QSER1: variants seen among roughly 807,000 people sequenced by gnomAD.
QSER1 encodes glutamine and serine-rich protein 1.
A neutral mutation model predicts 158.5 loss-of-function variants in QSER1; 49 were observed. The observed-to-expected ratio is 0.31, with a 90% CI of 0.25 to 0.39. The LOEUF (loss-of-function observed/expected upper bound fraction) is 0.39. QSER1 is among the 10% of genes least tolerant of loss of function. The pLI is 1.00. For synonymous variants in QSER1, 650 were observed against 715.5 expected, an observed-to-expected ratio of 0.91 and a Z score of 1.46; for missense variants, 1,754 against 2,010.3, an observed-to-expected ratio of 0.87 and a Z score of 2.44.
At chr11:32,975,654 T>C in intron 12 of QSER1, 1 of 1,186,934 alleles carries the variant, frequency 8.4e-7, no homozygotes, top group Non-Finnish European at 1.1e-6. Context: ...CAGTGTATGA[T>C]GATCTTGCTT....
intron 4 of QSER1, among the ~76,000 whole-genome samples, chr11:32,938,860 G>A (rs747859477): frequency 1.3e-5 from 2 of 152,022 alleles, no homozygotes; most frequent in Non-Finnish European, 2.9e-5. Context: ...ACTGTATCTT[G>A]TATCAACATA....
intron 1 of QSER1, among the ~76,000 whole-genome samples, chr11:32,896,632 G>A (rs1403697441): frequency 6.6e-5 from 10 of 152,076 alleles, no homozygotes; most frequent in African/African-American, 1.7e-4. Flanking sequence ...CAGGTGATCC[G>A]CCCATTTTGG....
At chr11:32,906,065 A>G (rs1250932130) in intron 1 of QSER1, among the ~76,000 whole-genome samples, 1 of 151,378 alleles carries the variant, frequency 6.6e-6, no homozygotes. Flanking sequence ...TAGCCACCTT[A>G]AAGTTGATTT....
intron 5 of QSER1, among the ~76,000 whole-genome samples, chr11:32,954,460 C>G (rs1415595789): frequency 1.3e-5 from 2 of 151,896 alleles, no homozygotes; most frequent in Non-Finnish European, 2.9e-5. Flanking sequence ...TCAAGGTTCC[C>G]AATTCATTAT....
chr11:32,966,997 G>A (rs1852760961), intron 9 of QSER1, among the ~76,000 whole-genome samples: 1 of 152,096 alleles, frequency 6.6e-6, no homozygotes, highest in African/African-American at 2.4e-5. Context: ...AGCAGTCCCA[G>A]TACTGAGTAT....
intron 5 of QSER1, among the ~76,000 whole-genome samples, chr11:32,954,592 G>A (rs999871405): frequency 6.6e-6 from 1 of 152,210 alleles, no homozygotes; most frequent in Non-Finnish European, 1.5e-5. Context: ...TAACCATGAA[G>A]AGAATGTAAT....
intron 4 of QSER1, among the ~76,000 whole-genome samples, chr11:32,941,060 A>G (rs933074267): frequency 6.6e-6 from 1 of 151,614 alleles, no homozygotes. Context: ...TCTTCTTTGC[A>G]CCACACTTTG....
At chr11:32,899,282 C>T (rs1173602816) in intron 1 of QSER1, among the ~76,000 whole-genome samples, 1 of 152,096 alleles carries the variant, frequency 6.6e-6, no homozygotes, top group Admixed American at 6.6e-5. Context: ...ATTGGAAGCC[C>T]CTTTCTTCCT....
rs751219107 is a variant in QSER1, at chr11:32,954,043, A to G, written c.4364A>G (p.Asp1455Gly). 5.7e-5 allele frequency: 92 copies of G among 1,614,052 alleles called. No homozygotes were observed. In the South Asian group the frequency reaches 9.3e-4, roughly 16 times the overall value. The change falls in exon 5 of 13, where the codon GAC becomes GGC. Residue 1455 changes from aspartate (D) to glycine (G), a missense_variant. Coordinates refer to ENST00000650167, the MANE Select transcript of QSER1 (RefSeq NM_001076786.3). ...ATTGAACTTGATGGTCTTCCTTCAG[A>G]CCAGTTTGCAAAAGGACAGGACACT... is the stretch of plus-strand genomic sequence containing the variant. ...KPIELDGLPS[D>G]QFAKGQDTVA...
chr11:32,909,327 A>G (rs1001117149), intron 1 of QSER1, among the ~76,000 whole-genome samples: 26 of 152,130 alleles, frequency 1.7e-4, no homozygotes, highest in African/African-American at 6.0e-4. Context: ...GAAGGGAAGT[A>G]TCTTTTATCA....
At chr11:32,915,757 A>G (rs537026353) in intron 1 of QSER1, among the ~76,000 whole-genome samples, 1 of 152,346 alleles carries the variant, frequency 6.6e-6, no homozygotes, top group Admixed American at 6.5e-5. Context: ...TAAAGCACAG[A>G]TTTTTAAAAA....
At chr11:32,906,672 C>T (rs1851698713) in intron 1 of QSER1, among the ~76,000 whole-genome samples, 1 of 152,132 alleles carries the variant, frequency 6.6e-6, no homozygotes, top group Non-Finnish European at 1.5e-5. Flanking sequence ...CTGACCCTCC[C>T]AAAGTGCTGG....
Position 32,935,063 on chromosome 11 carries a change from G to A in QSER1, c.3805G>A (p.Glu1269Lys). The part of the protein sequence containing the change: ...KMRQKIKEVE[E>K]KQPEVKTGFI... Reference sequence around the variant, plus strand: ...GAGACAGAAGATCAAAGAGGTGGAGGAAAAACAACCAGAAGTCAAAACAGG... The same window carrying A: ...GAGACAGAAGATCAAAGAGGTGGAGAAAAAACAACCAGAAGTCAAAACAGG... The change falls in exon 4 of 13, where the codon GAA (glutamate) becomes AAA (lysine). Residue 1269 changes from glutamate to lysine, a missense_variant. Around this residue, in one of 2 missense-constraint regions of QSER1, gnomAD observed 1,707 missense variants for 1,919.6 expected, o/e 0.89. Coordinates refer to ENST00000650167, the MANE Select transcript of QSER1 (RefSeq NM_001076786.3). 6.2e-7 allele frequency: 1 copy of A among 1,614,062 alleles called. No individual in the cohort carries two copies. Among genetic ancestry groups the A allele is most frequent in the Non-Finnish European group, 8.5e-7 (1 of 1,180,004 alleles).
At chr11:32,975,415 G>T in intron 12 of QSER1, 72 bp downstream of exon 12, 1 of 1,584,682 alleles carries the variant, frequency 6.3e-7, no homozygotes, top group Non-Finnish European at 8.6e-7. Flanking sequence ...TAGTATTTTG[G>T]AGTGTTTTAA....
chr11:32,966,641 C>A (rs910687203), intron 9 of QSER1, among the ~76,000 whole-genome samples: 9 of 152,128 alleles, frequency 5.9e-5, no homozygotes, highest in African/African-American at 1.7e-4. Flanking sequence ...GCTTTCTACT[C>A]ATGGGAAAAT....
chr11:32,940,542 G>T (rs1554928801), intron 4 of QSER1, among the ~76,000 whole-genome samples: 1 of 151,904 alleles, frequency 6.6e-6, no homozygotes, highest in East Asian at 1.9e-4. Flanking sequence ...TTTTTTTTCT[G>T]TTCATCCTAG....
Position 32,933,971 on chromosome 11 carries a change from C to T in QSER1, c.2713C>T (p.Gln905Ter). The change falls in exon 4 of 13, where the codon CAA (glutamine) becomes TAA (stop). Residue 905 changes from glutamine (Q) to a stop codon, truncating the protein, a stop_gained. Transcript: ENST00000650167. LOFTEE classifies it high-confidence loss of function. Reference sequence around the variant, plus strand: ...CCTTCAGATGGAAGGTCATGTTATTCAAAGCAATGGTGATCATTCTCAGCA... The same window carrying T: ...CCTTCAGATGGAAGGTCATGTTATTTAAAGCAATGGTGATCATTCTCAGCA... ...PFLQMEGHVI[Q>*]SNGDHSQQQL... The T allele has an allele frequency of 6.2e-7, 1 of 1,613,944 alleles. No homozygotes were observed. The highest frequency in any genetic ancestry group is 8.5e-7 in the Non-Finnish European group (1 of 1,179,950).
chr11:32,905,174 A>G (rs1380090074), intron 1 of QSER1, among the ~76,000 whole-genome samples: 1 of 152,162 alleles, frequency 6.6e-6, no homozygotes, highest in Non-Finnish European at 1.5e-5. Context: ...AAAATAATGA[A>G]ATTTTCATAT....
chr11:32,943,118 T>A (rs1490359960), intron 4 of QSER1, among the ~76,000 whole-genome samples: 2 of 152,014 alleles, frequency 1.3e-5, no homozygotes, highest in Non-Finnish European at 2.9e-5. Flanking sequence ...GCTTATCAGC[T>A]TAAGGAGATT....
Sources: allele counts gnomAD v4.1 joint callset (sites outside exome capture counted in the v4.1 genomes callset), GRCh38; gene constraint gnomAD v4.1.1; regional missense constraint gnomAD v4.1.1; transcripts MANE v1.5; gene names NCBI Gene and HGNC (gene_info 2026-07-23, HGNC 2026-07-21).